The following AAK1 variants were observed in gnomAD, a reference collection of about 807,000 sequenced individuals.
The protein encoded by AAK1 is AP2-associated protein kinase 1.
Under a neutral mutation model 116.0 loss-of-function variants are expected in AAK1, and 37 were observed. The ratio of observed to expected loss-of-function variants is 0.32; its 90% CI spans 0.25 to 0.42. AAK1 has a LOEUF of 0.42. Ranked by LOEUF, AAK1 falls within the 10% of genes least tolerant of loss-of-function variation. The pLI is 1.00. For synonymous variants in AAK1, 458 were observed against 439.9 expected (o/e 1.04, Z -0.51); for missense variants, 919 against 1,170.6 (o/e 0.79, Z 3.14).
chr2:69,471,708 G>T lies in AAK1; in HGVS notation c.*4161C>A, dbSNP rs1285475985. ...AAGAGAGACTTTATTTTGGCCCAAG[G>T]TATCTATAGCATGTATTTATTTAGC... On this transcript the variant is annotated 3_prime_UTR_variant, in exon 22 of 22. Transcript: ENST00000409085. 1 of 985,248 alleles carries T rather than the reference G, an allele frequency of 1.0e-6. No homozygotes were observed. Among genetic ancestry groups the T allele is most frequent in the African/African-American group, 1.7e-5 (1 of 57,216 alleles). The allele number at this position is 985,248 out of a possible 1,614,324, so 61.0% of individuals were successfully genotyped here.
chr2:69,531,513 G>C (rs1670255560), intron 6 of AAK1: 1 of 911,582 alleles, frequency 1.1e-6, no homozygotes, highest in Admixed American at 6.2e-5. Flanking sequence ...AATGGGTCAG[G>C]CTCTTATTGG....
At chr2:69,498,694 G>A (rs1234571962) in intron 16 of AAK1, among the ~76,000 whole-genome samples, 1 of 152,236 alleles carries the variant, frequency 6.6e-6, no homozygotes, top group Non-Finnish European at 1.5e-5. Context: ...GGCAAAGGTG[G>A]GATTGCTGGA....
At position 69,467,523 on chromosome 2, in the gene AAK1, G is replaced by T; in HGVS notation, c.*8346C>A. The T allele has an allele frequency of 5.1e-6, 5 of 985,394 alleles. No individual in the cohort carries two copies. The highest frequency in any genetic ancestry group is 6.0e-6 in the Non-Finnish European group (5 of 829,934). The allele number at this position is 985,394 out of a possible 1,614,324, so 61.0% of individuals were successfully genotyped here. A position where few individuals can be genotyped will look rare whatever the true frequency, so the allele number is the denominator to read the frequency against. On this transcript the variant is annotated 3_prime_UTR_variant, in exon 22 of 22. Transcript: ENST00000409085. ...GCAAGAAGAATCCAGAGAAAGGGTG[G>T]TTGGGGGTAAAGGTATCATTTCATC...
Position 69,467,202 on chromosome 2 carries a change from T to C in AAK1, c.*8667A>G. The stretch of plus-strand genomic sequence containing the variant: ...ACCTTCAGCTGGAGTTGCCCCAGAA[T>C]TTTGTTTTCAGTCTTCTAAGTTCAT... On this transcript the variant is annotated 3_prime_UTR_variant, in exon 22 of 22. Transcript: ENST00000409085. The C allele has an allele frequency of 7.1e-6, 7 of 985,426 alleles. No individual in the cohort carries two copies. Among genetic ancestry groups the C allele is most frequent in the Non-Finnish European group, 7.2e-6 (6 of 829,922 alleles). The allele number at this position is 985,426 out of a possible 1,614,324, so 61.0% of individuals were successfully genotyped here.
intron 1 of AAK1, 57 bp downstream of exon 1, chr2:69,643,518 C>A (rs1313598691): frequency 1.6e-6 from 2 of 1,225,158 alleles, no homozygotes; most frequent in African/African-American, 1.6e-5. Context: ...GGCACTGCCT[C>A]CCGCTCCTCC....
At position 69,471,578 on chromosome 2, in the gene AAK1, C is replaced by T. The variant is rs1244340017; in HGVS notation, c.*4291G>A. The stretch of plus-strand genomic sequence containing the variant: ...TGCTTAACCCGGCACACTGGGCAAT[C>T]CTGTCATTTTCATCCCAAAGCTCAA... On this transcript the variant is annotated 3_prime_UTR_variant, in exon 22 of 22. Coordinates refer to ENST00000409085, the MANE Select transcript of AAK1 (RefSeq NM_014911.5). 3 of 985,374 alleles carry T rather than the reference C, an allele frequency of 3.0e-6. No individual in the cohort carries two copies. Among genetic ancestry groups the T allele is most frequent in the Non-Finnish European group, 3.6e-6 (3 of 829,888 alleles). The allele number at this position is 985,374 out of a possible 1,614,324, so 61.0% of individuals were successfully genotyped here.
chr2:69,554,809 A>G (rs898420134), intron 3 of AAK1, among the ~76,000 whole-genome samples: 6 of 152,232 alleles, frequency 3.9e-5, no homozygotes, highest in African/African-American at 1.4e-4. Context: ...ACCTATTTGA[A>G]TATTAAAGCT....
At chr2:69,500,698 T>TATATATGTATATATATACACACACAC in intron 16 of AAK1, among the ~76,000 whole-genome samples, 1 of 65,102 alleles carries the variant, frequency 1.5e-5, no homozygotes, top group African/African-American at 7.9e-5. Context: ...TATATATATA[T>TATATATGTATATATATACACACACAC]ACACACACAC....
At chr2:69,561,161 T>C (rs1671618339) in intron 2 of AAK1, among the ~76,000 whole-genome samples, 1 of 152,224 alleles carries the variant, frequency 6.6e-6, no homozygotes, top group Admixed American at 6.5e-5. Context: ...TGAAAAGCTT[T>C]AGATAATCTC....
At position 69,480,852 on chromosome 2, in the gene AAK1, T is replaced by G. The variant is rs747911200; in HGVS notation, c.2569+8A>C. 5 of 1,583,690 alleles carry G rather than the reference T, an allele frequency of 3.2e-6. No homozygotes were observed. The highest frequency in any genetic ancestry group is 1.8e-5 in the Admixed American group (1 of 55,528). ...CAGTCCCTGCAGCTGCAGAGACACC[T>G]GACTGACCTGTGCGATTCGAGGTCA... On this transcript the variant is annotated splice_region_variant and intron_variant, in intron 19 of 21. Transcript: ENST00000409085.
intron 2 of AAK1, among the ~76,000 whole-genome samples, chr2:69,560,575 T>A (rs1286866225): frequency 6.6e-6 from 1 of 152,240 alleles, no homozygotes; most frequent in African/African-American, 2.4e-5. Context: ...TGATCTATTA[T>A]GTGAAGCAAG....
At chr2:69,553,737 C>T (rs546077379) in intron 3 of AAK1, among the ~76,000 whole-genome samples, 162 of 150,520 alleles carry the variant, frequency 1.1e-3, no homozygotes, top group Admixed American at 1.6e-3. Context: ...CCACCGTGCC[C>T]GGCCTAGACC....
Position 69,471,293 on chromosome 2 carries a change from G to A in AAK1, c.*4576C>T. ...CAAGGAGCCTCCCTATCCCGTATTA[G>A]TGAAAGGAAATCTGGGAGAAGCAAA... On this transcript the variant is annotated 3_prime_UTR_variant, in exon 22 of 22. Coordinates refer to ENST00000409085, the MANE Select transcript of AAK1 (RefSeq NM_014911.5). 1 of 985,442 alleles carries A rather than the reference G, an allele frequency of 1.0e-6. No individual in the cohort carries two copies. Among genetic ancestry groups the A allele is most frequent in the Non-Finnish European group, 1.2e-6 (1 of 829,934 alleles). 61.0% of individuals were successfully genotyped at this position (985,442 alleles called of 1,614,324 possible).
intron 5 of AAK1, among the ~76,000 whole-genome samples, chr2:69,540,518 C>G (rs746784418): frequency 2.0e-5 from 3 of 152,210 alleles, no homozygotes; most frequent in Non-Finnish European, 4.4e-5. Context: ...TACTCATTCT[C>G]CTGTAAGCTA....
intron 5 of AAK1, among the ~76,000 whole-genome samples, chr2:69,539,814 C>T (rs1670627737): frequency 6.6e-6 from 1 of 152,190 alleles, no homozygotes; most frequent in Non-Finnish European, 1.5e-5. Context: ...CCACTTACTT[C>T]CTATCAGGCC....
chr2:69,575,034 A>C (rs989576458), intron 2 of AAK1, among the ~76,000 whole-genome samples: 1 of 151,958 alleles, frequency 6.6e-6, no homozygotes, highest in African/African-American at 2.4e-5. Context: ...AAAAAAAAAA[A>C]AACCACACAC....
chr2:69,475,732 C>T lies in AAK1; in HGVS notation c.*137G>A. 7.0e-7 allele frequency: 1 copy of T among 1,424,548 alleles called. No individual in the cohort carries two copies. The allele number at this position is 1,424,548 out of a possible 1,614,324, so 88.2% of individuals were successfully genotyped here. A position where few individuals can be genotyped will look rare whatever the true frequency, so the allele number is the denominator to read the frequency against. On this transcript the variant is annotated 3_prime_UTR_variant, in exon 22 of 22. Transcript: ENST00000409085. ...TCCTTATCATTTCTACAGGAGAAGG[C>T]AAGGGGTAGGAGAAAAGGGCTGGAG...
At chr2:69,514,776 A>C in intron 12 of AAK1, 27 bp from the exon 13 acceptor site, 1 of 1,545,184 alleles carries the variant, frequency 6.5e-7, no homozygotes, top group East Asian at 2.3e-5. Flanking sequence ...GAGATGAATA[A>C]GGGCCTGTCC....
intron 17 of AAK1, among the ~76,000 whole-genome samples, chr2:69,490,426 T>C (rs561450438): frequency 6.6e-6 from 1 of 151,960 alleles, no homozygotes; most frequent in East Asian, 1.9e-4. Flanking sequence ...CATTAACAGA[T>C]GAAAGGAGAA....
Sources: allele counts gnomAD v4.1 joint callset (sites outside exome capture counted in the v4.1 genomes callset), GRCh38; gene constraint gnomAD v4.1.1; transcripts MANE v1.5; gene names NCBI Gene and HGNC (gene_info 2026-07-23, HGNC 2026-07-21).